KAZN: variants seen among roughly 807,000 people sequenced by gnomAD.
KAZN encodes the protein kazrin.
A neutral mutation model predicts 87.4 loss-of-function variants in KAZN; 40 were observed. That is an observed-to-expected ratio of 0.46 (90% CI 0.36 to 0.60). The LOEUF (loss-of-function observed/expected upper bound fraction) is 0.60, where lower values mean the gene tolerates loss of function less well. KAZN is among the 20% of genes least tolerant of loss of function. The pLI is 0.00. For missense variants in KAZN, 898 were observed against 1,073.9 expected (o/e 0.84, Z 2.29); for synonymous variants, 466 against 458.3 (o/e 1.02, Z -0.22).
chr1:14,783,245 T>G (rs936053030), intron 1 of KAZN, among the ~76,000 whole-genome samples: 3 of 152,126 alleles, frequency 2.0e-5, no homozygotes, highest in African/African-American at 4.8e-5. Flanking sequence ...TCAGAACATT[T>G]AGTTTTAATC....
chr1:14,451,612 GAGAA>G (rs1396629871), intron 2 of KAZN, among the ~76,000 whole-genome samples: 1 of 152,010 alleles, frequency 6.6e-6, no homozygotes, highest in Non-Finnish European at 1.5e-5. Flanking sequence ...GAGAGAAAGA[GAGAA>G]AGAAAGAGAG....
chr1:14,299,702 C>T (rs1400174725), intron 2 of KAZN, among the ~76,000 whole-genome samples: 2 of 152,150 alleles, frequency 1.3e-5, no homozygotes, highest in South Asian at 2.1e-4. Flanking sequence ...CCTTAGCTGG[C>T]GGCACCTAGG....
In KAZN at chr1:14,279,375, T is replaced by A. The variant is rs545644686; in HGVS notation, c.249+98783T>A. Among the ~76,000 whole-genome samples the A allele has an allele frequency of 8.5e-5, 13 of 152,356 alleles. No individual in the cohort carries two copies. In the South Asian group the frequency reaches 2.7e-3, roughly 32 times the overall value. On this transcript the variant is annotated intron_variant, in intron 2 of 16. Transcript: ENST00000636203. ...AGAGCTTTCTGCCTCTCCACCCTCATGTGCACATCCTAGGTAATTGCTCCC... is the reference window on the plus strand; with the variant it reads ...AGAGCTTTCTGCCTCTCCACCCTCAAGTGCACATCCTAGGTAATTGCTCCC...
Position 14,021,953 on chromosome 1 carries a change from C to CTTTTTTT in KAZN, c.91+128210_91+128216dup, listed in dbSNP as rs141959214. Among the ~76,000 whole-genome samples the CTTTTTTT allele has an allele frequency of 8.5e-4, 97 of 114,270 alleles. 3 individuals are homozygous for CTTTTTTT. The highest frequency in any genetic ancestry group is 9.8e-4 in the Non-Finnish European group (58 of 59,380). 75.0% of individuals were successfully genotyped at this position (114,270 alleles called of 152,430 possible). ...AGGAAATGGGATGTGAATGAACATG[C>CTTTTTTT]TTTTTTTTTTTTTTTTTTTGTAACG... On this transcript the variant is annotated intron_variant, in intron 1 of 16. Transcript: ENST00000636203.
chr1:14,216,156 C>T (rs1248173666), intron 2 of KAZN, among the ~76,000 whole-genome samples: 1 of 151,920 alleles, frequency 6.6e-6, no homozygotes, highest in African/African-American at 2.4e-5. Context: ...GCAACAAGGG[C>T]CCACATTATA....
chr1:14,759,556 A>T (rs1283563001), intron 1 of KAZN, among the ~76,000 whole-genome samples: 1 of 152,150 alleles, frequency 6.6e-6, no homozygotes, highest in Admixed American at 6.5e-5. Context: ...TTGATTAAGC[A>T]ATTATAGGCA....
At chr1:14,458,825 A>G (rs1244556632) in intron 2 of KAZN, among the ~76,000 whole-genome samples, 2 of 152,210 alleles carry the variant, frequency 1.3e-5, no homozygotes, top group African/African-American at 4.8e-5. Flanking sequence ...ATTATGAAGA[A>G]TTTAGGCAAA....
At chr1:14,455,798 G>A (rs1667536363) in intron 2 of KAZN, among the ~76,000 whole-genome samples, 1 of 152,162 alleles carries the variant, frequency 6.6e-6, no homozygotes, top group South Asian at 2.1e-4. Flanking sequence ...TCAAGGAAAG[G>A]ACTGTGCCCA....
chr1:14,236,387 T>G (rs1272187052), intron 2 of KAZN, among the ~76,000 whole-genome samples: 1 of 152,104 alleles, frequency 6.6e-6, no homozygotes, highest in African/African-American at 2.4e-5. Flanking sequence ...CTTCCTCTTG[T>G]GCAGTAGGAT....
intron 1 of KAZN, among the ~76,000 whole-genome samples, chr1:14,810,808 A>G (rs1276780059): frequency 6.6e-6 from 1 of 152,172 alleles, no homozygotes; most frequent in Non-Finnish European, 1.5e-5. Flanking sequence ...AAGCCGAGTC[A>G]TGAGAAAACC....
chr1:14,727,904 CA>C, intron 1 of KAZN, among the ~76,000 whole-genome samples: 1 of 152,116 alleles, frequency 6.6e-6, no homozygotes, highest in East Asian at 1.9e-4. Flanking sequence ...GAGATAGCAA[CA>C]GATCATCAGG....
chr1:14,186,656 T>G (rs1156958135), intron 2 of KAZN, among the ~76,000 whole-genome samples: 1 of 152,140 alleles, frequency 6.6e-6, no homozygotes, highest in East Asian at 1.9e-4. Context: ...GTAGGCTTGT[T>G]GATGGATGGT....
At chr1:14,091,755 C>A (rs1001497572) in intron 1 of KAZN, among the ~76,000 whole-genome samples, 1 of 152,098 alleles carries the variant, frequency 6.6e-6, no homozygotes, top group Non-Finnish European at 1.5e-5. Flanking sequence ...GTATAGCGTG[C>A]AAATTAAGAG....
intron 1 of KAZN, among the ~76,000 whole-genome samples, chr1:14,748,939 T>G (rs1284945842): frequency 2.6e-5 from 4 of 152,188 alleles, no homozygotes; most frequent in Non-Finnish European, 4.4e-5. Context: ...GAAGAAAGTT[T>G]TGCAAACATC....
At chr1:15,001,451 G>A (rs1668461883) in intron 2 of KAZN, among the ~76,000 whole-genome samples, 1 of 150,472 alleles carries the variant, frequency 6.6e-6, no homozygotes, top group Non-Finnish European at 1.5e-5. Flanking sequence ...GGGCGACCGA[G>A]CGAAAATCTG....
intron 1 of KAZN, among the ~76,000 whole-genome samples, chr1:14,780,278 C>T (rs1419417819): frequency 6.6e-6 from 1 of 152,210 alleles, no homozygotes; most frequent in African/African-American, 2.4e-5. Flanking sequence ...TTCAGAGATG[C>T]CCTCCCTGTC....
At chr1:14,081,274 G>C (rs1643664299) in intron 1 of KAZN, among the ~76,000 whole-genome samples, 1 of 151,996 alleles carries the variant, frequency 6.6e-6, no homozygotes, top group Admixed American at 6.6e-5. Context: ...CTTCCACTTG[G>C]GGCCCCGTTG....
intron 1 of KAZN, among the ~76,000 whole-genome samples, chr1:14,139,072 G>A (rs753304362): frequency 6.6e-6 from 1 of 152,158 alleles, no homozygotes; most frequent in African/African-American, 2.4e-5. Context: ...TGCCCATAGA[G>A]AGCACATTCG....
At chr1:14,979,643 T>G (rs1184263881) in intron 2 of KAZN, among the ~76,000 whole-genome samples, 1 of 151,966 alleles carries the variant, frequency 6.6e-6, no homozygotes. Context: ...CTCCATGGGC[T>G]TGGGTGGGTA....
Sources: allele counts gnomAD v4.1 joint callset (sites outside exome capture counted in the v4.1 genomes callset), GRCh38; gene constraint gnomAD v4.1.1; transcripts MANE v1.5; gene names NCBI Gene and HGNC (gene_info 2026-07-23, HGNC 2026-07-21).